Variants in PCDHGB1 observed in about 807,000 individuals in gnomAD.
PCDHGB1 encodes protocadherin gamma-B1.
Under a neutral mutation model 56.6 loss-of-function variants are expected in PCDHGB1, and 34 were observed. The observed-to-expected ratio is 0.60, with a 90% CI of 0.46 to 0.80. The LOEUF is 0.80. Ranked by LOEUF, PCDHGB1 falls within the 30% of genes least tolerant of loss-of-function variation. The pLI is 0.00. For missense variants in PCDHGB1, 1,278 were observed against 1,204.6 expected (o/e 1.06, Z -0.90); for synonymous variants, 561 against 505.9 (o/e 1.11, Z -1.46).
intron 1 of PCDHGB1, among the ~76,000 whole-genome samples, chr5:141,475,511 A>T (rs1240718716): frequency 6.6e-6 from 1 of 152,240 alleles, no homozygotes; most frequent in African/African-American, 2.4e-5. Context: ...TAATGTCTCC[A>T]CGGAAATGCT....
intron 1 of PCDHGB1, chr5:141,366,813 T>G (rs1281662720): frequency 6.5e-7 from 1 of 1,549,490 alleles, no homozygotes. Flanking sequence ...TTTTCATGTT[T>G]CTGTCATATT....
chr5:141,431,114 G>T lies in PCDHGB1; in HGVS notation c.2410-63693G>T. On this transcript the variant is annotated intron_variant, in intron 1 of 3. Coordinates refer to ENST00000523390, the MANE Select transcript of PCDHGB1 (RefSeq NM_018922.3). This position sits in a 1 kb window ranked among gnomAD's most constrained non-coding sequence, Gnocchi z 4.8. The stretch of plus-strand genomic sequence containing the variant: ...GGAGGATAAAGTGAAAATATATGGA[G>T]TAGAAGTAGAAGTAAGGGACATTAA... 6.2e-7 allele frequency: 1 copy of T among 1,614,158 alleles called. No individual in the cohort carries two copies.
At chr5:141,494,554 T>C (rs1270280236) in intron 1 of PCDHGB1, among the ~76,000 whole-genome samples, 1 of 152,178 alleles carries the variant, frequency 6.6e-6, no homozygotes, top group African/African-American at 2.4e-5. Flanking sequence ...GGGCCATTTC[T>C]TTAGGAAAGG....
intron 1 of PCDHGB1, among the ~76,000 whole-genome samples, chr5:141,482,530 C>CAAAAAAAAA (rs3074545): frequency 5.2e-4 from 40 of 76,506 alleles, no homozygotes; most frequent in African/African-American, 1.4e-3. Context: ...GACAGACATG[C>CAAAAAAAAA]AAAAAAAAAA....
At chr5:141,398,695 A>G (rs753760185) in intron 1 of PCDHGB1, 3 of 1,613,784 alleles carry the variant, frequency 1.9e-6, no homozygotes, top group Non-Finnish European at 2.5e-6. Flanking sequence ...GGATGGTAGT[A>G]AATACCCGGA....
At chr5:141,479,685 G>A (rs749895405) in intron 1 of PCDHGB1, 3 of 152,248 alleles carry the variant, frequency 2.0e-5, no homozygotes, top group Non-Finnish European at 4.4e-5. Flanking sequence ...AGTCTTTTTG[G>A]TGCCTCCAGT....
At chr5:141,415,818 A>C in intron 1 of PCDHGB1, 11 of 1,325,038 alleles carry the variant, frequency 8.3e-6, no homozygotes, top group Non-Finnish European at 8.7e-6. Flanking sequence ...CCTATATATC[A>C]TAAGGCTTTG....
chr5:141,394,076 A>C (rs1329419086), intron 1 of PCDHGB1: 1 of 1,613,896 alleles, frequency 6.2e-7, no homozygotes, highest in Admixed American at 1.7e-5. Flanking sequence ...ACAATATCAC[A>C]GTGATGGCCT....
At chr5:141,385,250 G>A (rs1448897004) in intron 1 of PCDHGB1, 2 of 1,613,820 alleles carry the variant, frequency 1.2e-6, no homozygotes, top group Admixed American at 1.7e-5. Flanking sequence ...AGCCAGGAGA[G>A]CTGTGAGAAA....
intron 1 of PCDHGB1, chr5:141,355,489 G>A (rs1484818134): frequency 1.2e-6 from 2 of 1,614,062 alleles, no homozygotes; most frequent in Non-Finnish European, 1.7e-6. Context: ...GGAGCTCTGC[G>A]ACAGATCTCC....
chr5:141,485,109 CTGTT>C lies in PCDHGB1; in HGVS notation c.2410-9695_2410-9692del. ...AGATAGGTGTCTCCAGCTGCTGTGG[CTGTT>C]TGGGGCGGGTCGGCTTCATCCGCGT... On this transcript the variant is annotated intron_variant, in intron 1 of 3. Transcript: ENST00000523390. This position sits in a 1 kb window ranked among gnomAD's most constrained non-coding sequence, Gnocchi z 5.7. 8.1e-7 allele frequency: 1 copy of C among 1,230,964 alleles called. No individual in the cohort carries two copies. Among genetic ancestry groups the C allele is most frequent in the Non-Finnish European group, 1.2e-6 (1 of 850,026 alleles). The allele number at this position is 1,230,964 out of a possible 1,614,324, so 76.3% of individuals were successfully genotyped here.
chr5:141,419,285 G>A, intron 1 of PCDHGB1: 2 of 1,614,028 alleles, frequency 1.2e-6, no homozygotes, highest in East Asian at 4.5e-5. Context: ...GCAAGTCAGT[G>A]CCTCTGACCC....
At chr5:141,376,549 TC>T in intron 1 of PCDHGB1, 1 of 1,612,110 alleles carries the variant, frequency 6.2e-7, no homozygotes, top group South Asian at 1.1e-5. Context: ...AATCTGATCT[TC>T]CCGCAACCCA....
At chr5:141,475,892 G>A (rs1279219556) in intron 1 of PCDHGB1, 1 of 568,264 alleles carries the variant, frequency 1.8e-6, no homozygotes, top group Non-Finnish European at 3.1e-6. Context: ...GGGACTCTGT[G>A]TGCCGCTGTC....
rs1233057800 is a variant in PCDHGB1, at chr5:141,351,097, C to T, written c.837C>T (p.Leu279=). The T allele has an allele frequency of 6.2e-7, 1 of 1,614,100 alleles. No homozygotes were observed. Among genetic ancestry groups the T allele is most frequent in the East Asian group, 2.2e-5 (1 of 44,890 alleles). ...GINAEITYAF[L]NSPISTSLFN... is the part of the protein sequence containing the mutation. ...ATGCAGAGATCACCTATGCCTTCCT[C>T]AATTCCCCAATAAGTACCAGCCTCT... Residue 279 remains leucine (L), a synonymous_variant, in exon 1 of 4, where the codon CTC becomes CTT. Transcript: ENST00000523390.
chr5:141,490,736 A>G lies in PCDHGB1; in HGVS notation c.2410-4071A>G, dbSNP rs747567176. The G allele has an allele frequency of 5.0e-6, 8 of 1,614,084 alleles. No individual in the cohort carries two copies. Among genetic ancestry groups the G allele is most frequent in the Non-Finnish European group, 6.8e-6 (8 of 1,180,034 alleles). On this transcript the variant is annotated intron_variant, in intron 1 of 3. Transcript: ENST00000523390. This position sits in a 1 kb window ranked among gnomAD's most constrained non-coding sequence, Gnocchi z 5.4. The stretch of plus-strand genomic sequence containing the variant: ...TACTCCATTGTAGGAAATCAGGTTC[A>G]GGGAGCCCCAGCCTCCTCCTTTGTG...
In PCDHGB1 at chr5:141,476,933, GA is replaced by G; in HGVS notation, c.2410-17872del. 1 of 1,614,176 alleles carries G rather than the reference GA, an allele frequency of 6.2e-7. No individual in the cohort carries two copies. Reference sequence around the variant, plus strand: ...ACAAGTCCTTGCAACGGATCTGGATGAAGGCCCCAACGGTGAAATTATTTAC... The same window carrying G: ...ACAAGTCCTTGCAACGGATCTGGATGAGGCCCCAACGGTGAAATTATTTAC... On this transcript the variant is annotated intron_variant, in intron 1 of 3. Transcript: ENST00000523390. This position sits in a 1 kb window ranked among gnomAD's most constrained non-coding sequence, Gnocchi z 7.6.
At chr5:141,448,216 G>A (rs766377717) in intron 1 of PCDHGB1, among the ~76,000 whole-genome samples, 41 of 152,046 alleles carry the variant, frequency 2.7e-4, no homozygotes, top group African/African-American at 1.7e-4. Context: ...GTGTGTATGC[G>A]AATGTATGTG....
chr5:141,393,614 C>T (rs971778718), intron 1 of PCDHGB1: 2 of 1,613,778 alleles, frequency 1.2e-6, no homozygotes, highest in Non-Finnish European at 1.7e-6. Flanking sequence ...TAACAGCCAG[C>T]GACCCGGATG....
Sources: gnomAD v4.1 joint callset for allele counts (sites outside exome capture counted in the v4.1 genomes callset) on GRCh38, gnomAD v4.1.1 for gene constraint, Gnocchi (gnomAD v3.1) non-coding constraint, MANE v1.5 for transcripts, NCBI Gene and HGNC (gene_info 2026-07-23, HGNC 2026-07-21) for gene names.